The following SLC26A5 variants were observed in gnomAD, a reference collection of about 807,000 sequenced individuals.
SLC26A5 encodes the protein solute carrier family 26 member 5, also known as prestin.
A neutral mutation model predicts 81.0 loss-of-function variants in SLC26A5; 51 were observed. The ratio of observed to expected loss-of-function variants is 0.63; its 90% CI spans 0.50 to 0.80. The LOEUF (loss-of-function observed/expected upper bound fraction) is 0.80. Among genes scored for constraint, SLC26A5 ranks in the 30% least tolerant of loss-of-function variants. SLC26A5 has a pLI of 0.00. For missense variants in SLC26A5, 771 were observed against 905.8 expected (o/e 0.85, Z 1.91); for synonymous variants, 325 against 332.8 (o/e 0.98, Z 0.25).
chr7:103,427,490 A>T (rs995528827), intron 2 of SLC26A5, among the ~76,000 whole-genome samples: 2 of 152,202 alleles, frequency 1.3e-5, no homozygotes, highest in Non-Finnish European at 2.9e-5. Flanking sequence ...AATATTTGCA[A>T]AACACAAACC....
chr7:103,374,659 T>A, intron 19 of SLC26A5, 67 bp from the exon 20 acceptor site: 1 of 1,421,044 alleles, frequency 7.0e-7, no homozygotes, highest in Non-Finnish European at 9.8e-7. Context: ...TAAAAAAAAG[T>A]AACACTTCCA....
At position 103,367,503 on chromosome 7, in the gene SLC26A5, G is replaced by A. The variant is rs1820776887; in HGVS notation, c.2041+9305C>T. ...AATCAGCTTGATGGTTTTGATCCTA[G>A]AGGCAATATTAAAGTGCTGATGGCC... On this transcript the variant is annotated intron_variant, in intron 19 of 19. Transcript: ENST00000339444. The surrounding 1 kb of genome is among the most constrained non-coding windows in gnomAD (Gnocchi z 6.1). 6.2e-7 allele frequency: 1 copy of A among 1,614,032 alleles called. No homozygotes were observed. The highest frequency in any genetic ancestry group is 8.5e-7 in the Non-Finnish European group (1 of 1,179,978).
chr7:103,378,671 C>A, intron 16 of SLC26A5, 118 bp from the exon 17 acceptor site: 1 of 869,924 alleles, frequency 1.1e-6, no homozygotes. Flanking sequence ...ATCACCCCAA[C>A]CCTTGCACTG....
At chr7:103,410,319 T>A (rs1225487210) in intron 7 of SLC26A5, 66 bp downstream of exon 7, 2 of 1,341,518 alleles carry the variant, frequency 1.5e-6, no homozygotes, top group African/African-American at 2.9e-5. Flanking sequence ...TAAAAAGAGA[T>A]ACAGAAGAGA....
At chr7:103,412,572 CAG>C (rs1189390158) in intron 5 of SLC26A5, among the ~76,000 whole-genome samples, 2 of 120,440 alleles carry the variant, frequency 1.7e-5, no homozygotes, top group African/African-American at 6.9e-5. Context: ...TTTTTTGAGA[CAG>C]AGTCTCGTTC....
At chr7:103,390,990 C>T (rs926393704) in intron 11 of SLC26A5, among the ~76,000 whole-genome samples, 1 of 152,050 alleles carries the variant, frequency 6.6e-6, no homozygotes, top group South Asian at 2.1e-4. Context: ...CTCAGCCTCC[C>T]AAGTAGCTGG....
At chr7:103,364,059 C>T in intron 19 of SLC26A5, 1 of 1,324,682 alleles carries the variant, frequency 7.5e-7, no homozygotes, top group South Asian at 1.5e-5. Context: ...AAATACTAAA[C>T]ATAAAAGCAC....
intron 17 of SLC26A5, 60 bp from the exon 18 acceptor site, chr7:103,377,859 G>T: frequency 6.6e-7 from 1 of 1,515,562 alleles, no homozygotes; most frequent in Non-Finnish European, 9.1e-7. Context: ...CTGGTTGTGA[G>T]AAAGATTTAT....
At chr7:103,393,565 TC>T in intron 9 of SLC26A5, among the ~76,000 whole-genome samples, 1 of 65,306 alleles carries the variant, frequency 1.5e-5, no homozygotes, top group Non-Finnish European at 3.2e-5. Context: ...TGCTACCTCT[TC>T]CTGTGTGTGT....
chr7:103,430,324 C>T (rs1234409691), intron 2 of SLC26A5, among the ~76,000 whole-genome samples: 5 of 152,188 alleles, frequency 3.3e-5, no homozygotes, highest in Non-Finnish European at 5.9e-5. Context: ...GGTGAGCCGC[C>T]CGCCTCGGCC....
intron 19 of SLC26A5, chr7:103,355,591 A>C: frequency 1.2e-6 from 1 of 847,286 alleles, no homozygotes; most frequent in Non-Finnish European, 1.9e-6. Flanking sequence ...AGTCCTCACA[A>C]TGAATGATTC....
intron 19 of SLC26A5, among the ~76,000 whole-genome samples, chr7:103,359,172 A>ATTTTTTTTTTTTTTT (rs1586155184): frequency 1.5e-4 from 9 of 58,384 alleles, no homozygotes; most frequent in Non-Finnish European, 2.2e-4. Context: ...TTTTTTTTTA[A>ATTTTTTTTTTTTTTT]TTTTTAGTAG....
At chr7:103,389,493 T>C in intron 12 of SLC26A5, 69 bp from the exon 13 acceptor site, 2 of 1,142,182 alleles carry the variant, frequency 1.8e-6, no homozygotes, top group Admixed American at 3.4e-5. Context: ...GGTTCCTCAC[T>C]GTCCTCCTGC....
At chr7:103,361,259 G>A (rs574533365) in intron 19 of SLC26A5, among the ~76,000 whole-genome samples, 6 of 151,860 alleles carry the variant, frequency 4.0e-5, no homozygotes, top group East Asian at 1.9e-4. Context: ...TGAGGCGGGC[G>A]GATCACCTGA....
At chr7:103,381,488 C>T (rs1821783868) in intron 14 of SLC26A5, among the ~76,000 whole-genome samples, 1 of 151,192 alleles carries the variant, frequency 6.6e-6, no homozygotes, top group Non-Finnish European at 1.5e-5. Context: ...CACATGCATA[C>T]ACAGCACACA....
intron 19 of SLC26A5, chr7:103,361,940 GC>G (rs1237781044): frequency 6.3e-7 from 1 of 1,593,156 alleles, no homozygotes; most frequent in Non-Finnish European, 8.5e-7. Context: ...TTCTAATCAA[GC>G]TTTTTGCTGT....
At chr7:103,379,095 A>G in intron 16 of SLC26A5, 148 bp downstream of exon 16, 2 of 651,190 alleles carry the variant, frequency 3.1e-6, no homozygotes, top group East Asian at 5.6e-5. Flanking sequence ...AAAATAGTAT[A>G]TTTTATGTTA....
At chr7:103,382,858 G>T (rs191597689) in intron 14 of SLC26A5, among the ~76,000 whole-genome samples, 95 of 152,330 alleles carry the variant, frequency 6.2e-4, no homozygotes, top group Middle Eastern at 3.4e-3. Context: ...TAGGTAAGTT[G>T]TTCAATGTCA....
intron 19 of SLC26A5, chr7:103,368,222 G>C (rs1820822562): frequency 1.5e-6 from 1 of 659,294 alleles, no homozygotes; most frequent in Non-Finnish European, 2.4e-6. Flanking sequence ...AGGCAGAAAA[G>C]CTTGTTAGAA....
Sources: allele counts gnomAD v4.1 joint callset (sites outside exome capture counted in the v4.1 genomes callset), GRCh38; gene constraint gnomAD v4.1.1; non-coding constraint Gnocchi (gnomAD v3.1); transcripts MANE v1.5; gene names NCBI Gene and HGNC (gene_info 2026-07-23, HGNC 2026-07-21).